Variants in PDE1C observed in about 807,000 individuals in gnomAD.
PDE1C encodes phosphodiesterase 1C.
Under a neutral mutation model 93.1 loss-of-function variants are expected in PDE1C, and 62 were observed. The observed-to-expected ratio is 0.67, with a 90% CI of 0.54 to 0.82. PDE1C has a LOEUF of 0.82. Ranked by LOEUF, PDE1C falls within the 40% of genes least tolerant of loss-of-function variation. PDE1C has a pLI of 0.00. For missense variants in PDE1C, 742 were observed against 884.6 expected (o/e 0.84, Z 2.04); for synonymous variants, 325 against 310.1 (o/e 1.05, Z -0.50).
the PDE1C span, among the ~76,000 whole-genome samples, chr7:31,634,691 T>A: frequency 1.3e-5 from 2 of 152,050 alleles, no homozygotes; most frequent in Non-Finnish European, 2.9e-5. Flanking sequence ...TAAGGAGGCA[T>A]GAAAAAAATT....
In PDE1C at chr7:32,392,802, GCA is replaced by G. The variant is rs1784774137; in HGVS notation, c.310+35018_310+35019del. Among the ~76,000 whole-genome samples, 17 of 152,120 alleles carry G rather than the reference GCA, an allele frequency of 1.1e-4. No individual in the cohort carries two copies. In the South Asian group the frequency reaches 3.3e-3, roughly 30 times the overall value. On this transcript the variant is annotated intron_variant, in intron 1 of 1. Transcript: ENST00000672256. ...GTGGTGGCTCTTGCCTGTAATCCAA[GCA>G]CTTTGGGAGGCTGAGACGGGCAGAT...
chr7:32,165,776 A>T (rs942953979), intron 3 of PDE1C, among the ~76,000 whole-genome samples: 4 of 152,202 alleles, frequency 2.6e-5, no homozygotes, highest in African/African-American at 9.7e-5. Flanking sequence ...GACCTGCTCA[A>T]ATTAACATAG....
At chr7:31,961,886 G>A (rs1219144815) in intron 2 of PDE1C, among the ~76,000 whole-genome samples, 1 of 152,150 alleles carries the variant, frequency 6.6e-6, no homozygotes, top group East Asian at 1.9e-4. Context: ...TTGAACAGAG[G>A]AAAGTTGTTA....
chr7:31,794,081 C>CAGAT (rs1213702808), intron 16 of PDE1C, among the ~76,000 whole-genome samples: 75 of 135,696 alleles, frequency 5.5e-4, no homozygotes, highest in African/African-American at 2.0e-3. Flanking sequence ...GACAGACAGA[C>CAGAT]AGACAGACAG....
chr7:31,637,357 T>C, the PDE1C span, among the ~76,000 whole-genome samples: 1 of 152,124 alleles, frequency 6.6e-6, no homozygotes, highest in African/African-American at 2.4e-5. Context: ...CCACCAACAG[T>C]GTAAAAGTGT....
intron 9 of PDE1C, among the ~76,000 whole-genome samples, chr7:31,838,422 G>T (rs1791390957): frequency 6.6e-6 from 1 of 152,066 alleles, no homozygotes; most frequent in Admixed American, 6.6e-5. Context: ...TTATAGTATA[G>T]CTAGTTCTCA....
At chr7:32,299,281 A>C in exon 1 of PDE1C, 1 of 986,334 alleles carries the variant, frequency 1.0e-6, no homozygotes, top group Non-Finnish European at 1.2e-6. Flanking sequence ...GGAAAGGCAA[A>C]CCCCTCAGCC....
At chr7:31,907,659 GA>G (rs1452460756) in intron 2 of PDE1C, among the ~76,000 whole-genome samples, 2 of 151,758 alleles carry the variant, frequency 1.3e-5, no homozygotes, top group Admixed American at 1.3e-4. Flanking sequence ...ATTTCAGGGC[GA>G]AAAGTAATCT....
At chr7:31,742,166 C>A in the PDE1C span, among the ~76,000 whole-genome samples, 1 of 152,150 alleles carries the variant, frequency 6.6e-6, no homozygotes, top group East Asian at 1.9e-4. Flanking sequence ...AATGAGTACA[C>A]GCATCCTGCA....
At chr7:31,855,194 GT>G (rs975514218) in intron 7 of PDE1C, among the ~76,000 whole-genome samples, 4 of 152,086 alleles carry the variant, frequency 2.6e-5, no homozygotes, top group African/African-American at 7.2e-5. Context: ...GTTGGGAAAG[GT>G]TTCCTTTCTG....
chr7:32,345,193 C>G (rs577284132), intron 1 of PDE1C, among the ~76,000 whole-genome samples: 1 of 152,206 alleles, frequency 6.6e-6, no homozygotes, highest in South Asian at 2.1e-4. Flanking sequence ...TAGAGTGGAA[C>G]TGTCAGGATA....
At chr7:32,199,140 A>C (rs78817361) in intron 2 of PDE1C, among the ~76,000 whole-genome samples, 7,473 of 152,116 alleles carry the variant, frequency 0.049, 238 homozygotes, top group African/African-American at 0.086. Flanking sequence ...ATTTAAAAAA[A>C]AAAACAAAAC....
intron 2 of PDE1C, among the ~76,000 whole-genome samples, chr7:32,184,298 G>T (rs1056365039): frequency 1.3e-5 from 2 of 152,150 alleles, no homozygotes; most frequent in East Asian, 1.9e-4. Flanking sequence ...CCATTACTGG[G>T]TATATACCCA....
the PDE1C span, among the ~76,000 whole-genome samples, chr7:31,626,193 G>C: frequency 6.6e-6 from 1 of 152,090 alleles, no homozygotes; most frequent in African/African-American, 2.4e-5. Context: ...CTTTCTTTTT[G>C]TAAAAGCAAA....
At chr7:32,426,937 A>G (rs992790713) in intron 1 of PDE1C, among the ~76,000 whole-genome samples, 4 of 152,210 alleles carry the variant, frequency 2.6e-5, no homozygotes, top group African/African-American at 9.6e-5. Context: ...GTGAGGATTC[A>G]TGTATGAGAC....
Position 31,924,746 on chromosome 7 carries a change from G to A in PDE1C, c.129-43886C>T, listed in dbSNP as rs532729431. Among the ~76,000 whole-genome samples, 5 of 152,258 alleles carry A rather than the reference G, an allele frequency of 3.3e-5. No homozygotes were observed. In the South Asian group the frequency reaches 1.0e-3, roughly 31 times the overall value. On this transcript the variant is annotated intron_variant, in intron 2 of 17. Transcript: ENST00000396191. ...TGGCCCATGCTCTGTTCTGCTGCTGGAACCAACTGGAGAGTCCAAAGCATC... is the reference window on the plus strand; with the variant it reads ...TGGCCCATGCTCTGTTCTGCTGCTGAAACCAACTGGAGAGTCCAAAGCATC...
At chr7:32,426,867 AT>A (rs1177686473) in intron 1 of PDE1C, among the ~76,000 whole-genome samples, 1 of 152,202 alleles carries the variant, frequency 6.6e-6, no homozygotes, top group African/African-American at 2.4e-5. Flanking sequence ...AATCTACTGA[AT>A]CCTTCTTGAA....
chr7:31,932,686 A>G (rs1264423430), intron 2 of PDE1C, among the ~76,000 whole-genome samples: 1 of 152,190 alleles, frequency 6.6e-6, no homozygotes, highest in African/African-American at 2.4e-5. Flanking sequence ...AATCAGAAAT[A>G]CCATTTGATC....
intron 1 of PDE1C, among the ~76,000 whole-genome samples, chr7:32,354,542 T>G (rs1783995249): frequency 6.6e-6 from 1 of 152,188 alleles, no homozygotes; most frequent in South Asian, 2.1e-4. Context: ...GAGACTGCAA[T>G]GAGCTGTGAT....
Sources: allele counts gnomAD v4.1 joint callset (sites outside exome capture counted in the v4.1 genomes callset), GRCh38; gene constraint gnomAD v4.1.1; transcripts MANE v1.5; gene names NCBI Gene and HGNC (gene_info 2026-07-23, HGNC 2026-07-21).